The following ETFA variants were observed in gnomAD, a reference collection of about 807,000 sequenced individuals.
ETFA encodes electron transfer flavoprotein subunit alpha.
A neutral mutation model predicts 46.2 loss-of-function variants in ETFA; 22 were observed. That is an observed-to-expected ratio of 0.48 (90% confidence interval 0.34 to 0.68). The LOEUF is 0.68. Ranked by LOEUF, ETFA falls within the 30% of genes least tolerant of loss-of-function variation. ETFA has a pLI of 0.01. For missense variants in ETFA, 345 were observed against 401.1 expected (o/e 0.86, Z 1.19); for synonymous variants, 131 against 139.9 (o/e 0.94, Z 0.45).
intron 8 of ETFA, among the ~76,000 whole-genome samples, chr15:76,277,557 C>T (rs970429585): frequency 2.0e-5 from 3 of 152,082 alleles, no homozygotes; most frequent in Non-Finnish European, 1.5e-5. Context: ...GGCTGGAGTA[C>T]AGTGGTACGA....
chr15:76,286,062 TTC>T (rs1248301039), intron 6 of ETFA, among the ~76,000 whole-genome samples: 1 of 152,226 alleles, frequency 6.6e-6, no homozygotes, highest in Non-Finnish European at 1.5e-5. Flanking sequence ...TATTACATTC[TTC>T]TGTTATACTG....
intron 8 of ETFA, among the ~76,000 whole-genome samples, chr15:76,277,251 A>C (rs1400311931): frequency 6.6e-6 from 1 of 152,206 alleles, no homozygotes; most frequent in Non-Finnish European, 1.5e-5. Context: ...TCCTCAGGTC[A>C]GTTAGGCTCT....
intron 9 of ETFA, among the ~76,000 whole-genome samples, chr15:76,256,400 C>T (rs145896152): frequency 1.1e-4 from 16 of 152,020 alleles, no homozygotes; most frequent in East Asian, 5.8e-4. Flanking sequence ...TGGGTTGTCT[C>T]GAGGGAAAGC....
chr15:76,267,867 A>T (rs569239195), intron 9 of ETFA, among the ~76,000 whole-genome samples: 23 of 152,356 alleles, frequency 1.5e-4, no homozygotes, highest in South Asian at 6.2e-4. Flanking sequence ...AGATAATTAT[A>T]TGGGGAAGAC....
At chr15:76,273,711 A>G (rs893062942) in intron 9 of ETFA, among the ~76,000 whole-genome samples, 2 of 141,536 alleles carry the variant, frequency 1.4e-5, no homozygotes, top group Non-Finnish European at 3.2e-5. Flanking sequence ...AAGACTGCAT[A>G]TTGTTTTGAA....
chr15:76,260,226 G>A, intron 9 of ETFA: 1 of 1,276,094 alleles, frequency 7.8e-7, no homozygotes, highest in Non-Finnish European at 1.1e-6. Context: ...GCTTTCCAAT[G>A]TGGCCTCGAT....
intron 8 of ETFA, among the ~76,000 whole-genome samples, chr15:76,278,671 T>C (rs2039620256): frequency 6.6e-6 from 1 of 152,222 alleles, no homozygotes; most frequent in Admixed American, 6.5e-5. Context: ...ATTTCATATA[T>C]TTTCTTCTTT....
intron 9 of ETFA, among the ~76,000 whole-genome samples, chr15:76,241,175 C>T (rs117181475): frequency 0.014 from 2,135 of 152,104 alleles, 20 homozygotes; most frequent in Non-Finnish European, 0.022. Context: ...AAGTCTATTA[C>T]AAAGCTTTGC....
chr15:76,265,111 C>G (rs1009798356), intron 9 of ETFA, among the ~76,000 whole-genome samples: 1 of 152,226 alleles, frequency 6.6e-6, no homozygotes, highest in African/African-American at 2.4e-5. Context: ...TAGACCTCTG[C>G]AGCACAATTC....
intron 11 of ETFA, among the ~76,000 whole-genome samples, chr15:76,221,950 T>C (rs2038959441): frequency 6.6e-6 from 1 of 152,070 alleles, no homozygotes; most frequent in African/African-American, 2.4e-5. Context: ...GTGAGCAAAA[T>C]ATCACCTAGG....
At chr15:76,280,108 T>A (rs1055683449) in intron 8 of ETFA, among the ~76,000 whole-genome samples, 1 of 152,074 alleles carries the variant, frequency 6.6e-6, no homozygotes, top group African/African-American at 2.4e-5. Flanking sequence ...GGTAATTTCA[T>A]CCAGTCTCAT....
At chr15:76,225,687 C>T (rs1177692094) in intron 11 of ETFA, among the ~76,000 whole-genome samples, 162 bp downstream of exon 11, 1 of 152,204 alleles carries the variant, frequency 6.6e-6, no homozygotes, top group Non-Finnish European at 1.5e-5. Flanking sequence ...AGCAACTTAA[C>T]TTTAAGTAGG....
chr15:76,295,047 AT>A (rs1423396789), intron 2 of ETFA, among the ~76,000 whole-genome samples: 3 of 152,164 alleles, frequency 2.0e-5, no homozygotes, highest in African/African-American at 7.2e-5. Flanking sequence ...TGCAAATCAT[AT>A]CATAGCACCT....
At chr15:76,245,948 A>G (rs1211812541) in intron 9 of ETFA, among the ~76,000 whole-genome samples, 3 of 152,248 alleles carry the variant, frequency 2.0e-5, no homozygotes, top group African/African-American at 7.2e-5. Context: ...AGTTCAACAA[A>G]TATTAATGTG....
intron 9 of ETFA, among the ~76,000 whole-genome samples, chr15:76,266,556 C>T (rs2039472340): frequency 6.6e-6 from 1 of 152,208 alleles, no homozygotes; most frequent in Non-Finnish European, 1.5e-5. Flanking sequence ...CAAACTTCTA[C>T]TCCCTTTCAA....
intron 9 of ETFA, among the ~76,000 whole-genome samples, chr15:76,264,205 G>C (rs2039447699): frequency 1.3e-5 from 2 of 152,198 alleles, no homozygotes; most frequent in African/African-American, 4.8e-5. Flanking sequence ...TGTGGCTCTT[G>C]ATAATAGGTT....
At chr15:76,287,652 T>C in intron 5 of ETFA, 194 bp downstream of exon 5, 1 of 525,782 alleles carries the variant, frequency 1.9e-6, no homozygotes, top group South Asian at 2.1e-5. Flanking sequence ...GAAATCTCTG[T>C]GTTTGCGATC....
chr15:76,289,993 A>G (rs1010278619), intron 4 of ETFA, among the ~76,000 whole-genome samples: 3 of 152,224 alleles, frequency 2.0e-5, no homozygotes, highest in African/African-American at 7.2e-5. Flanking sequence ...ATCATCCAAT[A>G]TATAATCAAA....
intron 10 of ETFA, chr15:76,227,886 T>TAG (rs1366230017): frequency 2.2e-6 from 1 of 456,068 alleles, no homozygotes; most frequent in Non-Finnish European, 4.4e-6. Context: ...GAACATGGTA[T>TAG]AGTCCAGGTA....
Sources: allele counts gnomAD v4.1 joint callset (sites outside exome capture counted in the v4.1 genomes callset), GRCh38; gene constraint gnomAD v4.1.1; transcripts MANE v1.5; gene names NCBI Gene and HGNC (gene_info 2026-07-23, HGNC 2026-07-21).